Variants in CD37 observed in about 807,000 individuals in gnomAD.
The protein encoded by CD37 is leukocyte antigen CD37.
CD37 carries 37 observed loss-of-function variants against 38.9 expected under a neutral mutation model. The observed-to-expected ratio is 0.95, with a 90% CI of 0.73 to 1.25. The LOEUF (loss-of-function observed/expected upper bound fraction) is 1.25. Ranked by LOEUF, CD37 falls within the 50% of genes most tolerant of loss-of-function variation. CD37 has a pLI of 0.00. For missense variants in CD37, 351 were observed against 360.1 expected, an observed-to-expected ratio of 0.97 and a Z score of 0.20; for synonymous variants, 146 against 150.1, an observed-to-expected ratio of 0.97 and a Z score of 0.20.
In CD37 at chr19:49,335,572, T is replaced by A; in HGVS notation, c.32T>A (p.Ile11Asn). 1 of 1,614,070 alleles carries A rather than the reference T, an allele frequency of 6.2e-7. No homozygotes were observed. Among genetic ancestry groups the A allele is most frequent in the Non-Finnish European group, 8.5e-7 (1 of 1,179,962 alleles). ...GCCCAGGAGAGCTGCCTCAGCCTCATCAAGTACTTCCTCTTCGTTTTCAAC... is the reference window on the plus strand; with the variant it reads ...GCCCAGGAGAGCTGCCTCAGCCTCAACAAGTACTTCCTCTTCGTTTTCAAC... MSAQESCLSL[I>N]KYFLFVFNLF... The change falls in exon 1 of 8, where the codon ATC (isoleucine) becomes AAC (asparagine). Residue 11 changes from isoleucine to asparagine, a missense_variant. Transcript: ENST00000323906. This position sits in a 1 kb window ranked among gnomAD's most constrained non-coding sequence, Gnocchi z 4.6.
chr19:49,337,933 A>C lies in CD37; in HGVS notation c.351A>C (p.Arg117=). Residue 117 remains arginine (R), a synonymous_variant, in exon 5 of 8, where the codon CGA becomes CGC. Transcript: ENST00000323906. ...LISTQRAQLE[R]SLRDVVEKTI... is the part of the protein sequence containing the mutation. Reference sequence around the variant, plus strand: ...CACTGGTGGCCTCTCAGCTGGAGCGAAGCTTGCGGGACGTCGTAGAGAAAA... The same window carrying C: ...CACTGGTGGCCTCTCAGCTGGAGCGCAGCTTGCGGGACGTCGTAGAGAAAA... The C allele has an allele frequency of 6.2e-7, 1 of 1,614,052 alleles. No homozygotes were observed. Among genetic ancestry groups the C allele is most frequent in the Non-Finnish European group, 8.5e-7 (1 of 1,179,982 alleles).
intron 7 of CD37, chr19:49,340,011 G>C (rs1323879977): frequency 1.4e-5 from 21 of 1,460,904 alleles, no homozygotes; most frequent in Non-Finnish European, 1.6e-5. Context: ...AGGACCCTGG[G>C]CTTGCTTCCG....
intron 4 of CD37, 101 bp downstream of exon 4, chr19:49,337,322 G>A (rs1205871092): frequency 3.5e-6 from 4 of 1,144,020 alleles, no homozygotes; most frequent in South Asian, 1.2e-5. Flanking sequence ...GCAGACAGGG[G>A]CTAACCTAGA....
chr19:49,335,732 T>G lies in CD37; in HGVS notation c.88T>G (p.Phe30Val). The change falls in exon 2 of 8, where the codon TTC becomes GTC. Residue 30 changes from phenylalanine (F) to valine (V), a missense_variant. Phe to Val is a conservative substitution (Grantham distance 50). Coordinates refer to ENST00000323906, the MANE Select transcript of CD37 (RefSeq NM_001774.3). This position sits in a 1 kb window ranked among gnomAD's most constrained non-coding sequence, Gnocchi z 4.6. ...LFFFVLGSLI[F>V]CFGIWILIDK... is the part of the protein sequence containing the mutation. ...TCCCCAGGTCCTCGGCAGCCTGATC[T>G]TCTGCTTCGGCATCTGGATCCTCAT... The G allele has an allele frequency of 6.2e-7, 1 of 1,614,022 alleles. No individual in the cohort carries two copies. The highest frequency in any genetic ancestry group is 8.5e-7 in the Non-Finnish European group (1 of 1,180,028).
At chr19:49,337,724 G>A (rs1346588578) in intron 4 of CD37, 1 of 1,535,356 alleles carries the variant, frequency 6.5e-7, no homozygotes, top group African/African-American at 1.4e-5. Context: ...TAGACGCCCT[G>A]AAAGAAGAGA....
At chr19:49,337,901 C>G in intron 4 of CD37, 24 bp from the exon 5 acceptor site, 1 of 1,613,590 alleles carries the variant, frequency 6.2e-7, no homozygotes, top group Non-Finnish European at 8.5e-7. Flanking sequence ...AAGATAAGGC[C>G]CAGCCTCACT....
intron 7 of CD37, 41 bp from the exon 8 acceptor site, chr19:49,340,210 C>T: frequency 6.4e-7 from 1 of 1,567,840 alleles, no homozygotes. Flanking sequence ...GTCTCGCCAG[C>T]ACCCCTTCGA....
intron 7 of CD37, 62 bp from the exon 8 acceptor site, chr19:49,340,189 G>T (rs1302309325): frequency 6.6e-7 from 1 of 1,525,910 alleles, no homozygotes; most frequent in Non-Finnish European, 9.0e-7. Context: ...GCCCGGGTGG[G>T]CATCACCCCC....
At position 49,335,471 on chromosome 19, in the gene CD37, T is replaced by A. The variant is rs1970915561; in HGVS notation, c.-70T>A. 3.7e-6 allele frequency: 4 copies of A among 1,071,382 alleles called. No individual in the cohort carries two copies. The highest frequency in any genetic ancestry group is 5.8e-6 in the Non-Finnish European group (4 of 691,744). 66.4% of individuals were successfully genotyped at this position (1,071,382 alleles called of 1,614,324 possible). ...CTCTTTCTCTCTCAGCCTCTTTCTT[T>A]CTCCCTGTCTCCCCCACTGTCAGCA... On this transcript the variant is annotated 5_prime_UTR_variant, in exon 1 of 8. Coordinates refer to ENST00000323906, the MANE Select transcript of CD37 (RefSeq NM_001774.3). The surrounding 1 kb of genome is among the most constrained non-coding windows in gnomAD (Gnocchi z 4.6).
chr19:49,339,280 G>A lies in CD37; in HGVS notation c.685-50G>A. 6.5e-7 allele frequency: 1 copy of A among 1,533,866 alleles called. No homozygotes were observed. The highest frequency in any genetic ancestry group is 9.0e-7 in the Non-Finnish European group (1 of 1,109,964). ...GGCCTGAAAAGAACGCTGGGCCTGG[G>A]CTTGAGAGTCCCAGAAAGAATCCCT... On this transcript the variant is annotated intron_variant, in intron 6 of 7. Transcript: ENST00000323906. This position sits in a 1 kb window ranked among gnomAD's most constrained non-coding sequence, Gnocchi z 4.5.
rs201613852 is a variant in CD37, at chr19:49,335,676, C to G, written c.70-38C>G. The G allele has an allele frequency of 2.5e-6, 4 of 1,612,264 alleles. No individual in the cohort carries two copies. The East Asian group carries it at 8.9e-5, about 36-fold the overall frequency. ...CCGCTAACCCAGCCCTCATCTTCCC[C>G]TGTGGCCCACCCCCGTATCCGCATC... On this transcript the variant is annotated intron_variant, in intron 1 of 7. Coordinates refer to ENST00000323906, the MANE Select transcript of CD37 (RefSeq NM_001774.3). This position sits in a 1 kb window ranked among gnomAD's most constrained non-coding sequence, Gnocchi z 4.6.
Position 49,338,070 on chromosome 19 carries a change from C to T in CD37, c.447+41C>T. ...CCAGTTCCCTCCCGGACTGACCCGCCTCAGCCCTGTGCTTGGAGGAGACTC... is the reference window on the plus strand; with the variant it reads ...CCAGTTCCCTCCCGGACTGACCCGCTTCAGCCCTGTGCTTGGAGGAGACTC... On this transcript the variant is annotated intron_variant, in intron 5 of 7. Transcript: ENST00000323906. This position sits in a 1 kb window ranked among gnomAD's most constrained non-coding sequence, Gnocchi z 5.0. 1 of 1,604,710 alleles carries T rather than the reference C, an allele frequency of 6.2e-7. No homozygotes were observed. The highest frequency in any genetic ancestry group is 8.5e-7 in the Non-Finnish European group (1 of 1,175,616).
rs772951476 is a variant in CD37 at position 49,337,879 on chromosome 19, G to A, written c.343-46G>A. 13 of 1,611,260 alleles carry A rather than the reference G, an allele frequency of 8.1e-6. No individual in the cohort carries two copies. In the South Asian group the frequency reaches 9.9e-5, roughly 12 times the overall value. On this transcript the variant is annotated intron_variant, in intron 4 of 7. Coordinates refer to ENST00000323906, the MANE Select transcript of CD37 (RefSeq NM_001774.3). Reference sequence around the variant, plus strand: ...GCTGGCACAGCCTGAGAGGGGGAGGGGTGGGGCGGGGAAGATAAGGCCCAG... The same window carrying A: ...GCTGGCACAGCCTGAGAGGGGGAGGAGTGGGGCGGGGAAGATAAGGCCCAG...
Position 49,339,403 on chromosome 19 carries a change from G to A in CD37, c.758G>A (p.Gly253Asp), listed in dbSNP as rs1206678339. 6.2e-7 allele frequency: 1 copy of A among 1,613,742 alleles called. No homozygotes were observed. Among genetic ancestry groups the A allele is most frequent in the Non-Finnish European group, 8.5e-7 (1 of 1,179,838 alleles). ...ISIVGICLGV[G>D]LLELGFMTLS... ...ATAGTGGGCATTTGCCTGGGCGTCG[G>A]CCTACTCGAGGTGATCTGGCCCCGC... The change falls in exon 7 of 8, where the codon GGC (glycine) becomes GAC (aspartate). Residue 253 changes from glycine to aspartate, a missense_variant. By Grantham distance (94) the Gly-to-Asp change is moderately conservative. Transcript: ENST00000323906. This position sits in a 1 kb window ranked among gnomAD's most constrained non-coding sequence, Gnocchi z 4.5.
Position 49,339,632 on chromosome 19 carries a change from G to A in CD37, c.768+219G>A, listed in dbSNP as rs1971124293. The A allele has an allele frequency of 1.4e-6, 2 of 1,431,876 alleles. No homozygotes were observed. Among genetic ancestry groups the A allele is most frequent in the Non-Finnish European group, 1.8e-6 (2 of 1,097,726 alleles). The allele number at this position is 1,431,876 out of a possible 1,614,324, so 88.7% of individuals were successfully genotyped here. A position where few individuals can be genotyped will look rare whatever the true frequency, so the allele number is the denominator to read the frequency against. On this transcript the variant is annotated intron_variant, in intron 7 of 7. Transcript: ENST00000323906. This position sits in a 1 kb window ranked among gnomAD's most constrained non-coding sequence, Gnocchi z 4.5. ...CAGGGAAAGCCTCCTGCTATTGGCT[G>A]CGATCTCCCTCCCCTTTCTCCGCAG...
chr19:49,337,680 A>AC (rs541728140), intron 4 of CD37: 12 of 1,527,106 alleles, frequency 7.9e-6, no homozygotes, highest in Non-Finnish European at 1.1e-5. Context: ...CCAAAGGGAA[A>AC]CACACGGGAA....
chr19:49,339,326 C>CA lies in CD37; in HGVS notation c.685-4_685-3insA. ...TCCCTTTAACTTTTCCCTACACCCCCCAGGGCTGCGCGCAGGGCCTCCAGA... is the reference window on the plus strand; with the variant it reads ...TCCCTTTAACTTTTCCCTACACCCCCACAGGGCTGCGCGCAGGGCCTCCAGA... On this transcript the variant is annotated splice_region_variant and splice_polypyrimidine_tract_variant and intron_variant, in intron 6 of 7. Transcript: ENST00000323906. This position sits in a 1 kb window ranked among gnomAD's most constrained non-coding sequence, Gnocchi z 4.5. The CA allele has an allele frequency of 6.2e-7, 1 of 1,613,696 alleles. No individual in the cohort carries two copies. The highest frequency in any genetic ancestry group is 8.5e-7 in the Non-Finnish European group (1 of 1,179,660).
rs756500447 is a variant in CD37, at chr19:49,339,392, C to T, written c.747C>T (p.Cys249=). The change falls in exon 7 of 8, where the codon TGC becomes TGT. Residue 249 remains cysteine, a synonymous_variant. Coordinates refer to ENST00000323906, the MANE Select transcript of CD37 (RefSeq NM_001774.3). The surrounding 1 kb of genome is among the most constrained non-coding windows in gnomAD (Gnocchi z 4.5). ...ACCTTATTTCCATAGTGGGCATTTG[C>T]CTGGGCGTCGGCCTACTCGAGGTGA... ...HNNLISIVGI[C]LGVGLLELGF... 3 of 1,613,980 alleles carry T rather than the reference C, an allele frequency of 1.9e-6. No individual in the cohort carries two copies. Among genetic ancestry groups the T allele is most frequent in the Non-Finnish European group, 8.5e-7 (1 of 1,179,928 alleles).
chr19:49,339,202 A>G lies in CD37; in HGVS notation c.685-128A>G. The G allele has an allele frequency of 1.2e-6, 1 of 828,132 alleles. No individual in the cohort carries two copies. Among genetic ancestry groups the G allele is most frequent in the Non-Finnish European group, 2.0e-6 (1 of 502,372 alleles). The allele number at this position is 828,132 out of a possible 1,614,324, so 51.3% of individuals were successfully genotyped here. A position where few individuals can be genotyped will look rare whatever the true frequency, so the allele number is the denominator to read the frequency against. ...GCGAGGGTGCACTAGTAAGGAGACT[A>G]GAGTGCCCTGGTGACTAGGGGAGCG... On this transcript the variant is annotated intron_variant, in intron 6 of 7. Coordinates refer to ENST00000323906, the MANE Select transcript of CD37 (RefSeq NM_001774.3). The surrounding 1 kb of genome is among the most constrained non-coding windows in gnomAD (Gnocchi z 4.5).
Sources: gnomAD v4.1 joint callset for allele counts on GRCh38, gnomAD v4.1.1 for gene constraint, Gnocchi (gnomAD v3.1) non-coding constraint, MANE v1.5 for transcripts, NCBI Gene and HGNC (gene_info 2026-07-23, HGNC 2026-07-21) for gene names.